Variants in TRIM24 observed in about 807,000 individuals in gnomAD.
The protein encoded by TRIM24 is transcription intermediary factor 1-alpha.
Under a neutral mutation model 123.9 loss-of-function variants are expected in TRIM24, and 29 were observed. That is an observed-to-expected ratio of 0.23 (90% confidence interval 0.17 to 0.32). The LOEUF (loss-of-function observed/expected upper bound fraction) is 0.32, where lower values mean the gene tolerates loss of function less well. Among genes scored for constraint, TRIM24 ranks in the 10% least tolerant of loss-of-function variants. The probability of loss-of-function intolerance (pLI) is 1.00; values close to 1 mark genes in which losing one functional copy is unlikely to be tolerated. For synonymous variants in TRIM24, 456 were observed against 461.1 expected, an observed-to-expected ratio of 0.99 and a Z score of 0.14; for missense variants, 932 against 1,295.3, an observed-to-expected ratio of 0.72 and a Z score of 4.31.
intron 1 of TRIM24, among the ~76,000 whole-genome samples, chr7:138,495,933 G>A (rs1795896528): frequency 6.6e-6 from 1 of 151,990 alleles, no homozygotes; most frequent in Non-Finnish European, 1.5e-5. Flanking sequence ...GTCTGTTTCT[G>A]GACTCTATTC....
At chr7:138,501,887 C>CAAAAAAAAAAAAA (rs561303066) in intron 1 of TRIM24, among the ~76,000 whole-genome samples, 4 of 136,546 alleles carry the variant, frequency 2.9e-5, no homozygotes, top group African/African-American at 1.1e-4. Context: ...GACTCCGTCT[C>CAAAAAAAAAAAAA]AAAAAAAAAA....
intron 17 of TRIM24, 75 bp downstream of exon 17, chr7:138,581,846 T>C: frequency 3.4e-6 from 4 of 1,160,048 alleles, no homozygotes; most frequent in Non-Finnish European, 5.1e-6. Flanking sequence ...ATCTAGCTTA[T>C]ATTACCATTT....
At chr7:138,497,393 CTTTTTTTTTT>C (rs869232002) in intron 1 of TRIM24, among the ~76,000 whole-genome samples, 2 of 88,316 alleles carry the variant, frequency 2.3e-5, no homozygotes, top group Non-Finnish European at 4.3e-5. Context: ...ATTACAATTT[CTTTTTTTTTT>C]TTTTTTTTTT....
At position 138,585,727 on chromosome 7, in the gene TRIM24, C is replaced by CT. The variant is rs1210978460; in HGVS notation, c.*777dup. 4.1e-6 allele frequency: 2 copies of CT among 486,068 alleles called. No homozygotes were observed. The highest frequency in any genetic ancestry group is 3.9e-5 in the African/African-American group (2 of 50,706). The allele number at this position is 486,068 out of a possible 1,614,324, so 30.1% of individuals were successfully genotyped here. On this transcript the variant is annotated 3_prime_UTR_variant, in exon 19 of 19. Coordinates refer to ENST00000343526, the MANE Select transcript of TRIM24 (RefSeq NM_015905.3). ...AGGGAAGTATATACATTTGGGTTTG[C>CT]TGTGTGTCTATGTGAGGTTTAATTG... is the stretch of plus-strand genomic sequence containing the variant.
chr7:138,468,883 G>T (rs762452319), intron 1 of TRIM24, among the ~76,000 whole-genome samples: 1 of 152,110 alleles, frequency 6.6e-6, no homozygotes, highest in African/African-American at 2.4e-5. Context: ...CACAATCCCC[G>T]AATCTCTCTG....
intron 9 of TRIM24, among the ~76,000 whole-genome samples, chr7:138,559,023 G>A (rs1051522108): frequency 1.3e-5 from 2 of 152,228 alleles, no homozygotes; most frequent in African/African-American, 4.8e-5. Flanking sequence ...AAACATTGAA[G>A]TATAAGGATA....
At chr7:138,485,365 T>A (rs911839913) in intron 1 of TRIM24, among the ~76,000 whole-genome samples, 19 of 151,744 alleles carry the variant, frequency 1.3e-4, no homozygotes, top group Admixed American at 7.9e-4. Flanking sequence ...TTTTTTTTTT[T>A]AATTATACTT....
intron 1 of TRIM24, among the ~76,000 whole-genome samples, chr7:138,463,936 C>T (rs1795069365): frequency 1.4e-5 from 2 of 147,508 alleles, no homozygotes; most frequent in East Asian, 2.0e-4. Flanking sequence ...TATTTTGTCC[C>T]TTTATCTCTC....
At chr7:138,525,592 T>G (rs529029468) in intron 5 of TRIM24, among the ~76,000 whole-genome samples, 40 of 152,232 alleles carry the variant, frequency 2.6e-4, no homozygotes, top group Non-Finnish European at 5.4e-4. Flanking sequence ...TAATAGGTAT[T>G]GATAACTTAT....
At chr7:138,551,277 C>A in intron 8 of TRIM24, 97 bp downstream of exon 8, 2 of 1,034,570 alleles carry the variant, frequency 1.9e-6, no homozygotes, top group Non-Finnish European at 3.0e-6. Flanking sequence ...TTAGGCTGGG[C>A]ACGGTGGCTC....
At position 138,554,584 on chromosome 7, in the gene TRIM24, G is replaced by A; in HGVS notation, c.1262-114G>A. The stretch of plus-strand genomic sequence containing the variant: ...TCTTTCAGAGTGTTAAAGGGCTCAT[G>A]AGATCAGAGAATTTCTTGGCAATTT... On this transcript the variant is annotated intron_variant, in intron 8 of 18. Coordinates refer to ENST00000343526, the MANE Select transcript of TRIM24 (RefSeq NM_015905.3). This position sits in a 1 kb window ranked among gnomAD's most constrained non-coding sequence, Gnocchi z 4.5. The A allele has an allele frequency of 8.9e-7, 1 of 1,126,108 alleles. No homozygotes were observed. The highest frequency in any genetic ancestry group is 1.6e-5 in the South Asian group (1 of 64,046). 69.8% of individuals were successfully genotyped at this position (1,126,108 alleles called of 1,614,324 possible). A position where few individuals can be genotyped will look rare whatever the true frequency, so the allele number is the denominator to read the frequency against.
chr7:138,541,479 A>C (rs1797003157), intron 7 of TRIM24, among the ~76,000 whole-genome samples: 1 of 152,210 alleles, frequency 6.6e-6, no homozygotes, highest in South Asian at 2.1e-4. Context: ...AGTGGGTCTC[A>C]AAAGTGGGCT....
chr7:138,558,076 T>G (rs1403943258), intron 9 of TRIM24, among the ~76,000 whole-genome samples: 2 of 152,268 alleles, frequency 1.3e-5, no homozygotes, highest in East Asian at 3.9e-4. Context: ...AAGGATGGTC[T>G]GATTGTCCCT....
At chr7:138,491,338 AG>A in intron 1 of TRIM24, 1 of 182,906 alleles carries the variant, frequency 5.5e-6, no homozygotes. Flanking sequence ...GCCTTTCATA[AG>A]GTGCTTGTTC....
At chr7:138,461,722 G>A (rs1392854552) in intron 1 of TRIM24, among the ~76,000 whole-genome samples, 1 of 152,286 alleles carries the variant, frequency 6.6e-6, no homozygotes. Context: ...GTAAGTTTGA[G>A]TACAGTTTCG....
chr7:138,573,081 A>G (rs182523734), intron 11 of TRIM24, among the ~76,000 whole-genome samples: 1 of 152,318 alleles, frequency 6.6e-6, no homozygotes, highest in East Asian at 1.9e-4. Context: ...GATTTTCTTC[A>G]TATTTTTCAA....
At chr7:138,565,241 G>A (rs11761566) in intron 9 of TRIM24, among the ~76,000 whole-genome samples, 66,781 of 151,806 alleles carry the variant, frequency 0.44, 15,506 homozygotes, top group Middle Eastern at 0.49. Context: ...TCATGTCCTG[G>A]GTTGGTTGGG....
At chr7:138,516,813 G>GTTTTTT (rs77546595) in intron 3 of TRIM24, among the ~76,000 whole-genome samples, 5 of 132,436 alleles carry the variant, frequency 3.8e-5, no homozygotes, top group African/African-American at 1.2e-4. Context: ...AAACCGTTTT[G>GTTTTTT]TTTTTTTTTT....
At chr7:138,498,253 C>G (rs2116514586) in intron 1 of TRIM24, among the ~76,000 whole-genome samples, 1 of 152,168 alleles carries the variant, frequency 6.6e-6, no homozygotes, top group African/African-American at 2.4e-5. Context: ...GAGACAGAGT[C>G]TCGCTCTGTC....
Sources: allele counts gnomAD v4.1 joint callset (sites outside exome capture counted in the v4.1 genomes callset), GRCh38; gene constraint gnomAD v4.1.1; non-coding constraint Gnocchi (gnomAD v3.1); transcripts MANE v1.5; gene names NCBI Gene and HGNC (gene_info 2026-07-23, HGNC 2026-07-21).